Variants in BCAS3 observed in about 807,000 individuals in gnomAD.
BCAS3 encodes BCAS3 microtubule associated cell migration factor.
In BCAS3, 53 loss-of-function variants were observed where a neutral mutation model predicts 116.1. That is an observed-to-expected ratio of 0.46 (90% confidence interval 0.37 to 0.57). The LOEUF (loss-of-function observed/expected upper bound fraction) is 0.57, where lower values mean the gene tolerates loss of function less well. Ranked by LOEUF, BCAS3 falls within the 20% of genes least tolerant of loss-of-function variation. The probability of loss-of-function intolerance (pLI) is 0.00; values close to 1 mark genes in which losing one functional copy is unlikely to be tolerated. For synonymous variants in BCAS3, 391 were observed against 408.2 expected (o/e 0.96, Z 0.51); for missense variants, 917 against 1,165.4 (o/e 0.79, Z 3.10).
rs1181349620 is a variant in BCAS3, at chr17:61,309,876, C to T, written c.2426-58451C>T. 1.3e-5 allele frequency among the ~76,000 whole-genome samples: 2 copies of T among 152,134 alleles called. No homozygotes were observed. The highest frequency in any genetic ancestry group is 4.8e-5 in the African/African-American group (2 of 41,408). On this transcript the variant is annotated intron_variant, in intron 22 of 23. Coordinates refer to ENST00000407086, the MANE Select transcript of BCAS3 (RefSeq NM_017679.5). This position sits in a 1 kb window ranked among gnomAD's most constrained non-coding sequence, Gnocchi z 4.6. ...CAAATGACAGCTTGTTTAAGGAAGC[C>T]ATGAACTAGCAAATGTAGTTAAAAG...
rs184863726 is a variant in BCAS3, at chr17:61,228,666, T to C, written c.2426-139661T>C. On this transcript the variant is annotated intron_variant, in intron 22 of 23. Transcript: ENST00000407086. The surrounding 1 kb of genome is among the most constrained non-coding windows in gnomAD (Gnocchi z 5.0). ...ATCGTTTGGGGGCACCCTCAAGCTA[T>C]GCCCATGTAAAACAGCAAACTTAAT... Among the ~76,000 whole-genome samples, 27 of 152,330 alleles carry C rather than the reference T, an allele frequency of 1.8e-4. 1 individual carries two copies. In the East Asian group the frequency reaches 5.2e-3, roughly 29 times the overall value.
At chr17:60,813,398 A>T (rs2049027572) in intron 7 of BCAS3, among the ~76,000 whole-genome samples, 1 of 151,852 alleles carries the variant, frequency 6.6e-6, no homozygotes, top group African/African-American at 2.4e-5. Context: ...TTGCCTGGCT[A>T]ATCTTTGTAT....
Position 61,259,454 on chromosome 17 carries a change from A to G in BCAS3, c.2426-108873A>G, listed in dbSNP as rs1210592465. ...CAGTTCCTGTCCATAGGGGTTGAGA[A>G]CATCGTTGGATGATATGTTTAATGC... On this transcript the variant is annotated intron_variant, in intron 22 of 23. Coordinates refer to ENST00000407086, the MANE Select transcript of BCAS3 (RefSeq NM_017679.5). The surrounding 1 kb of genome is among the most constrained non-coding windows in gnomAD (Gnocchi z 4.7). Among the ~76,000 whole-genome samples the G allele has an allele frequency of 6.6e-6, 1 of 152,156 alleles. No homozygotes were observed. The highest frequency in any genetic ancestry group is 1.5e-5 in the Non-Finnish European group (1 of 68,030).
chr17:60,810,880 G>A, intron 7 of BCAS3: 1 of 703,292 alleles, frequency 1.4e-6, no homozygotes, highest in Non-Finnish European at 2.6e-6. Context: ...GGAGGTAGAT[G>A]CCCCCAAATC....
intron 6 of BCAS3, among the ~76,000 whole-genome samples, chr17:60,803,796 A>ATT (rs11384999): frequency 0.028 from 2,505 of 89,254 alleles, 114 homozygotes; most frequent in Non-Finnish European, 0.036. Context: ...AACTATTACG[A>ATT]TTTTTTTTTT....
chr17:61,107,988 G>A (rs1177021846), intron 22 of BCAS3, among the ~76,000 whole-genome samples: 3 of 152,164 alleles, frequency 2.0e-5, no homozygotes, highest in African/African-American at 2.4e-5. Flanking sequence ...ATCAATATAT[G>A]AGAAATCTAC....
At chr17:61,001,657 A>G (rs1041885937) in intron 15 of BCAS3, among the ~76,000 whole-genome samples, 1 of 152,166 alleles carries the variant, frequency 6.6e-6, no homozygotes, top group African/African-American at 2.4e-5. Context: ...TAAATGGAGA[A>G]AAATCTTGTG....
At chr17:61,069,728 C>G (rs2071113089) in intron 19 of BCAS3, 2 of 587,282 alleles carry the variant, frequency 3.4e-6, no homozygotes, top group Admixed American at 3.1e-5. Context: ...ATCCCAGCTA[C>G]TCAGGAGGCT....
At chr17:60,839,054 T>G (rs907436759) in intron 7 of BCAS3, among the ~76,000 whole-genome samples, 1 of 152,212 alleles carries the variant, frequency 6.6e-6, no homozygotes, top group Non-Finnish European at 1.5e-5. Context: ...AAGTAGATAA[T>G]GTATGTATTT....
At position 60,748,404 on chromosome 17, in the gene BCAS3, A is replaced by G. The variant is rs979384708; in HGVS notation, c.403+1125A>G. Among the ~76,000 whole-genome samples the G allele has an allele frequency of 3.9e-5, 6 of 152,160 alleles. No homozygotes were observed. In the South Asian group the frequency reaches 1.2e-3, roughly 32 times the overall value. ...TGTCTCTCTGTTTCTTTCTCACACA[A>G]TTGATTGTGCTGTCTCTCGCTCTCT... On this transcript the variant is annotated intron_variant, in intron 6 of 23. Coordinates refer to ENST00000407086, the MANE Select transcript of BCAS3 (RefSeq NM_017679.5).
In BCAS3 at chr17:61,140,568, G is replaced by C. The variant is rs1280662161; in HGVS notation, c.2425+56004G>C. On this transcript the variant is annotated intron_variant, in intron 22 of 23. Transcript: ENST00000407086. This position sits in a 1 kb window ranked among gnomAD's most constrained non-coding sequence, Gnocchi z 4.2. ...ATTCAATTTGTAAAGTCACATAAAAGTTGCTTATCTCTCCACTTTTTTTTT... is the reference window on the plus strand; with the variant it reads ...ATTCAATTTGTAAAGTCACATAAAACTTGCTTATCTCTCCACTTTTTTTTT... Among the ~76,000 whole-genome samples the C allele has an allele frequency of 2.0e-5, 3 of 151,310 alleles. No individual in the cohort carries two copies. Among genetic ancestry groups the C allele is most frequent in the African/African-American group, 7.3e-5 (3 of 41,212 alleles).
At chr17:60,756,121 G>T (rs2042964282) in intron 6 of BCAS3, among the ~76,000 whole-genome samples, 1 of 152,036 alleles carries the variant, frequency 6.6e-6, no homozygotes, top group South Asian at 2.1e-4. Context: ...GGGGGGCGTG[G>T]TGGGGGATTA....
intron 7 of BCAS3, among the ~76,000 whole-genome samples, chr17:60,830,325 AC>A (rs1411535484): frequency 6.6e-6 from 1 of 152,188 alleles, no homozygotes; most frequent in Non-Finnish European, 1.5e-5. Flanking sequence ...ATGTTTGAGA[AC>A]TGTAAAACTA....
At chr17:61,250,927 G>T (rs748008780) in intron 22 of BCAS3, among the ~76,000 whole-genome samples, 14 of 152,160 alleles carry the variant, frequency 9.2e-5, no homozygotes, top group Non-Finnish European at 1.9e-4. Flanking sequence ...TGACTTGTGG[G>T]TGCCTTTGTG....
Position 61,326,675 on chromosome 17 carries a change from A to G in BCAS3, c.2426-41652A>G, listed in dbSNP as rs2055755807. On this transcript the variant is annotated intron_variant, in intron 22 of 23. Coordinates refer to ENST00000407086, the MANE Select transcript of BCAS3 (RefSeq NM_017679.5). The surrounding 1 kb of genome is among the most constrained non-coding windows in gnomAD (Gnocchi z 5.3). ...GCTCCCCAGTTTTCTGGCTTACTTC[A>G]CTCATTTGATGTCATTCACTAAGAG... 6.6e-6 allele frequency among the ~76,000 whole-genome samples: 1 copy of G among 152,112 alleles called. No individual in the cohort carries two copies.
chr17:61,264,829 A>G (rs1055928099), intron 22 of BCAS3, among the ~76,000 whole-genome samples: 1 of 152,254 alleles, frequency 6.6e-6, no homozygotes, highest in African/African-American at 2.4e-5. Flanking sequence ...GAGAGATTTC[A>G]GCCCTATCTC....
chr17:61,077,448 C>T lies in BCAS3; in HGVS notation c.2131-885C>T, dbSNP rs1292166749. Among the ~76,000 whole-genome samples the T allele has an allele frequency of 3.9e-5, 6 of 151,962 alleles. No individual in the cohort carries two copies. The highest frequency in any genetic ancestry group is 5.9e-5 in the Non-Finnish European group (4 of 68,012). ...AGGAGAATGTAGTGAACCCAGGAGGCGGAGCTTGCAGTGAGCGGAGATCAC... is the reference window on the plus strand; with the variant it reads ...AGGAGAATGTAGTGAACCCAGGAGGTGGAGCTTGCAGTGAGCGGAGATCAC... On this transcript the variant is annotated intron_variant, in intron 20 of 23. Transcript: ENST00000407086. The surrounding 1 kb of genome is among the most constrained non-coding windows in gnomAD (Gnocchi z 4.3).
At chr17:60,833,676 C>T (rs544388815) in intron 7 of BCAS3, among the ~76,000 whole-genome samples, 3 of 152,258 alleles carry the variant, frequency 2.0e-5, no homozygotes, top group South Asian at 2.1e-4. Context: ...ATTTTTATTT[C>T]GTTCGGTACA....
chr17:60,810,405 G>C, intron 7 of BCAS3: 1 of 504,846 alleles, frequency 2.0e-6, no homozygotes, highest in East Asian at 4.5e-5. Context: ...TCCAGAATGA[G>C]AAAGAGACCA....
Sources: gnomAD v4.1 joint callset for allele counts (sites outside exome capture counted in the v4.1 genomes callset) on GRCh38, gnomAD v4.1.1 for gene constraint, Gnocchi (gnomAD v3.1) non-coding constraint, MANE v1.5 for transcripts, NCBI Gene and HGNC (gene_info 2026-07-23, HGNC 2026-07-21) for gene names.